Variants in MAPKAP1 observed in about 807,000 individuals in gnomAD.
MAPKAP1 encodes the protein MAPK associated protein 1.
MAPKAP1 carries 20 observed loss-of-function variants against 65.7 expected under a neutral mutation model. The ratio of observed to expected loss-of-function variants is 0.30; its 90% confidence interval spans 0.21 to 0.44. The LOEUF is 0.44. Ranked by LOEUF, MAPKAP1 falls within the 20% of genes least tolerant of loss-of-function variation. The pLI, the probability that MAPKAP1 is intolerant of heterozygous loss-of-function variation, is 1.00. For missense variants in MAPKAP1, 423 were observed against 648.0 expected, an observed-to-expected ratio of 0.65 and a Z score of 3.77; for synonymous variants, 222 against 244.3, an observed-to-expected ratio of 0.91 and a Z score of 0.85.
chr9:125,621,284 AAAAC>A (rs991188124), intron 4 of MAPKAP1, among the ~76,000 whole-genome samples: 1 of 152,070 alleles, frequency 6.6e-6, no homozygotes, highest in African/African-American at 2.4e-5. Context: ...AAAAAAAACA[AAAAC>A]AAAAACAAAC....
At chr9:125,609,804 TC>T in intron 4 of MAPKAP1, among the ~76,000 whole-genome samples, 1 of 152,332 alleles carries the variant, frequency 6.6e-6, no homozygotes, top group East Asian at 1.9e-4. Context: ...ATTAACAGCA[TC>T]TTGAACATTT....
chr9:125,640,355 G>T (rs897968621), intron 4 of MAPKAP1, among the ~76,000 whole-genome samples: 4 of 151,232 alleles, frequency 2.6e-5, no homozygotes, highest in African/African-American at 9.7e-5. Context: ...CGCCCGCCTC[G>T]GCCTCCCAAA....
At chr9:125,481,310 T>C (rs1854306853) in intron 9 of MAPKAP1, among the ~76,000 whole-genome samples, 1 of 152,014 alleles carries the variant, frequency 6.6e-6, no homozygotes, top group African/African-American at 2.4e-5. Flanking sequence ...TTGGTTATCA[T>C]TCCAAGGCAG....
chr9:125,702,980 G>A (rs930862009), intron 1 of MAPKAP1, among the ~76,000 whole-genome samples: 3 of 152,134 alleles, frequency 2.0e-5, no homozygotes, highest in African/African-American at 4.8e-5. Flanking sequence ...CTATTACCAC[G>A]AAACTGCACT....
rs150769262 is a variant in MAPKAP1, at chr9:125,567,293, G to A, written c.672-7484C>T. On this transcript the variant is annotated intron_variant, in intron 5 of 11. Transcript: ENST00000265960. ...GCATTCCCAGATGGTTAAGGCATTTGGATGAGACGGGAGGTCAACACAAAA... is the reference window on the plus strand; with the variant it reads ...GCATTCCCAGATGGTTAAGGCATTTAGATGAGACGGGAGGTCAACACAAAA... Among the ~76,000 whole-genome samples, 471 of 152,292 alleles carry A rather than the reference G, an allele frequency of 3.1e-3. 2 individuals carry two copies. The highest frequency in any genetic ancestry group is 6.8e-3 in the Middle Eastern group (2 of 294).
chr9:125,569,428 T>C, intron 5 of MAPKAP1, among the ~76,000 whole-genome samples: 1 of 152,206 alleles, frequency 6.6e-6, no homozygotes, highest in Non-Finnish European at 1.5e-5. Context: ...GTAAGTCGTT[T>C]CTGGTTTAAT....
chr9:125,459,829 GGAAAGAGA>G (rs1266531591), intron 10 of MAPKAP1, among the ~76,000 whole-genome samples: 463 of 64,532 alleles, frequency 7.2e-3, no homozygotes, highest in Admixed American at 0.011. Context: ...GGGAGACCGT[GGAAAGAGA>G]GGGAGAGGGA....
intron 4 of MAPKAP1, among the ~76,000 whole-genome samples, chr9:125,622,477 A>C (rs1564587445): frequency 6.6e-6 from 1 of 151,950 alleles, no homozygotes; most frequent in Non-Finnish European, 1.5e-5. Flanking sequence ...ACAGAGTCTC[A>C]CTCTGTTGCC....
Position 125,444,543 on chromosome 9 carries a change from G to A in MAPKAP1, c.1401C>T (p.Tyr467=), listed in dbSNP as rs914133120. Residue 467 remains tyrosine, a synonymous_variant, in exon 11 of 12, where the codon TAC becomes TAT. Transcript: ENST00000265960. ...YLSNHDYKHL[Y]FESDAATVNE... is the part of the protein sequence containing the mutation. ...TGACGGTAGCAGCGTCCGATTCAAA[G>A]TAGAGGTGTTTATAGTCGTGATTGC... 2 of 1,613,982 alleles carry A rather than the reference G, an allele frequency of 1.2e-6. No individual in the cohort carries two copies. Among genetic ancestry groups the A allele is most frequent in the Non-Finnish European group, 1.7e-6 (2 of 1,179,902 alleles).
At chr9:125,620,545 A>G (rs374159304) in intron 4 of MAPKAP1, among the ~76,000 whole-genome samples, 1 of 152,264 alleles carries the variant, frequency 6.6e-6, no homozygotes, top group African/African-American at 2.4e-5. Context: ...ACAAAATGCC[A>G]TATGTACAAG....
intron 7 of MAPKAP1, among the ~76,000 whole-genome samples, chr9:125,526,779 C>CT (rs1355967835): frequency 2.0e-5 from 3 of 147,544 alleles, no homozygotes; most frequent in African/African-American, 5.0e-5. Flanking sequence ...TTTCTTTTTT[C>CT]TTTTTTCTTT....
At chr9:125,458,376 T>G (rs1853283736) in intron 10 of MAPKAP1, among the ~76,000 whole-genome samples, 1 of 152,064 alleles carries the variant, frequency 6.6e-6, no homozygotes. Context: ...CTCTGCAGTG[T>G]TTGTGTCCCT....
chr9:125,539,563 G>A (rs1003097924), intron 7 of MAPKAP1, among the ~76,000 whole-genome samples: 26 of 152,196 alleles, frequency 1.7e-4, no homozygotes, highest in African/African-American at 6.0e-4. Context: ...ATGGTTAACC[G>A]CATTTTTAAA....
intron 1 of MAPKAP1, among the ~76,000 whole-genome samples, chr9:125,676,835 G>A (rs1414055537): frequency 6.6e-6 from 1 of 151,862 alleles, no homozygotes; most frequent in Non-Finnish European, 1.5e-5. Context: ...AAAAAGTCTA[G>A]GAAACACCAG....
intron 9 of MAPKAP1, among the ~76,000 whole-genome samples, chr9:125,470,881 C>T (rs1404720993): frequency 6.6e-6 from 1 of 152,094 alleles, no homozygotes; most frequent in East Asian, 1.9e-4. Flanking sequence ...TCCAGAGCTA[C>T]TTTATCTTCA....
At position 125,468,004 on chromosome 9, in the gene MAPKAP1, C is replaced by T; in HGVS notation, c.1313G>A (p.Cys438Tyr). ...KPISIDSDLLCACDLAEEKSP... is the reference protein window; with the variant it reads ...KPISIDSDLLYACDLAEEKSP... ...TTTCTCTTCAGCAAGGTCACAGGCA[C>T]AGAGCAGGTCGGAATCGATTGAGAT... Residue 438 changes from cysteine (C) to tyrosine (Y), a missense_variant, in exon 10 of 12, where the codon TGT becomes TAT. Cys to Tyr is a radical substitution (Grantham distance 194). Transcript: ENST00000265960. 1 of 1,614,184 alleles carries T rather than the reference C, an allele frequency of 6.2e-7. No individual in the cohort carries two copies.
chr9:125,595,598 T>C lies in MAPKAP1; in HGVS notation c.499-9871A>G. Reference sequence around the variant, plus strand: ...TGAATTAAGAAATATCATGCTATGTTTGTCAGCTTACTCCTTTCTGCCTGT... The same window carrying C: ...TGAATTAAGAAATATCATGCTATGTCTGTCAGCTTACTCCTTTCTGCCTGT... On this transcript the variant is annotated intron_variant, in intron 4 of 11. Coordinates refer to ENST00000265960, the MANE Select transcript of MAPKAP1 (RefSeq NM_001006617.3). The surrounding 1 kb of genome is among the most constrained non-coding windows in gnomAD (Gnocchi z 4.0). The C allele has an allele frequency of 1.5e-6, 2 of 1,331,256 alleles. No individual in the cohort carries two copies. The highest frequency in any genetic ancestry group is 1.9e-6 in the Non-Finnish European group (2 of 1,037,696). 82.5% of individuals were successfully genotyped at this position (1,331,256 alleles called of 1,614,324 possible).
intron 4 of MAPKAP1, among the ~76,000 whole-genome samples, chr9:125,644,706 T>C (rs908801169): frequency 2.0e-5 from 3 of 152,346 alleles, no homozygotes; most frequent in African/African-American, 4.8e-5. Flanking sequence ...TTAATTACTA[T>C]TGGAAACTGG....
At chr9:125,625,781 T>A (rs2131672959) in intron 4 of MAPKAP1, among the ~76,000 whole-genome samples, 1 of 152,102 alleles carries the variant, frequency 6.6e-6, no homozygotes, top group Admixed American at 6.5e-5. Flanking sequence ...TGTGACAGAG[T>A]GAGACTCCAT....
Sources: gnomAD v4.1 joint callset for allele counts (sites outside exome capture counted in the v4.1 genomes callset) on GRCh38, gnomAD v4.1.1 for gene constraint, Gnocchi (gnomAD v3.1) non-coding constraint, MANE v1.5 for transcripts, NCBI Gene and HGNC (gene_info 2026-07-23, HGNC 2026-07-21) for gene names.